The following SOD2 variants were observed in gnomAD, a reference collection of about 807,000 sequenced individuals.
SOD2 encodes superoxide dismutase 2.
SOD2 carries 11 observed loss-of-function variants against 27.0 expected under a neutral mutation model. The observed-to-expected ratio is 0.41, with a 90% confidence interval of 0.26 to 0.67. The LOEUF is 0.67. SOD2 is among the 30% of genes least tolerant of loss of function. The pLI, the probability that SOD2 is intolerant of heterozygous loss-of-function variation, is 0.34. For synonymous variants in SOD2, 105 were observed against 103.0 expected, an observed-to-expected ratio of 1.02 and a Z score of -0.12; for missense variants, 250 against 274.5, an observed-to-expected ratio of 0.91 and a Z score of 0.63.
At chr6:159,736,270 C>G in intron 1 of SOD2, 1 of 1,601,408 alleles carries the variant, frequency 6.2e-7, no homozygotes, top group Admixed American at 1.7e-5. Flanking sequence ...TTCAAGATGA[C>G]CAACGAAGAA....
intron 1 of SOD2, among the ~76,000 whole-genome samples, chr6:159,738,663 C>A (rs1168310956): frequency 6.6e-6 from 1 of 152,090 alleles, no homozygotes; most frequent in African/African-American, 2.4e-5. Flanking sequence ...TTTTTATATT[C>A]TCACCTGCAG....
At chr6:159,744,237 G>A (rs1401240704) in intron 1 of SOD2, among the ~76,000 whole-genome samples, 2 of 152,066 alleles carry the variant, frequency 1.3e-5, no homozygotes, top group Non-Finnish European at 1.5e-5. Flanking sequence ...TTAATTGTTA[G>A]AACTTTGATG....
chr6:159,725,674 T>C (rs1778147246), intron 1 of SOD2: 1 of 151,910 alleles, frequency 6.6e-6, no homozygotes, highest in South Asian at 2.1e-4. Context: ...CCCCACTCTT[T>C]ATAGGCAACT....
At chr6:159,729,841 C>CT (rs1379385494), upstream of SOD2, among the ~76,000 whole-genome samples, 1 of 152,192 alleles carries the variant, frequency 6.6e-6, no homozygotes, top group African/African-American at 2.4e-5. Flanking sequence ...GTTGTTTTGG[C>CT]TGGCGCTTGC....
At chr6:159,756,591 A>C (rs1367358654) in intron 1 of SOD2, among the ~76,000 whole-genome samples, 1 of 91,300 alleles carries the variant, frequency 1.1e-5, no homozygotes, top group South Asian at 4.0e-4. Context: ...TCTATTTCTT[A>C]GGCTTTTTTT....
chr6:159,759,959 A>G (rs968353238), intron 1 of SOD2, among the ~76,000 whole-genome samples: 3 of 152,256 alleles, frequency 2.0e-5, no homozygotes, highest in Non-Finnish European at 2.9e-5. Context: ...GTGTTCATTC[A>G]TAACTGCCTA....
chr6:159,673,696 G>A lies in SOD2; in HGVS notation c.*8797C>T, dbSNP rs1215535321. 1 of 152,124 alleles carries A rather than the reference G, an allele frequency of 6.6e-6. No individual in the cohort carries two copies. The highest frequency in any genetic ancestry group is 1.5e-5 in the Non-Finnish European group (1 of 68,020). 9.4% of individuals were successfully genotyped at this position (152,124 alleles called of 1,614,324 possible). A position where few individuals can be genotyped will look rare whatever the true frequency, so the allele number is the denominator to read the frequency against. ...CATCACAATTAAAAATATTAGAGAAGCAAGAGCAAACACATTCAACAGCTA... is the reference window on the plus strand; with the variant it reads ...CATCACAATTAAAAATATTAGAGAAACAAGAGCAAACACATTCAACAGCTA... On this transcript the variant is annotated 3_prime_UTR_variant, in exon 5 of 5. Transcript: ENST00000538183.
In SOD2 at chr6:159,681,749, C is replaced by T. The variant is rs188601614; in HGVS notation, c.*744G>A. ...ACTTCTGCTTTCCTGAAATTTACCACTGCCTTTAAATACTCTAGCTTGTAG... is the reference window on the plus strand; with the variant it reads ...ACTTCTGCTTTCCTGAAATTTACCATTGCCTTTAAATACTCTAGCTTGTAG... On this transcript the variant is annotated 3_prime_UTR_variant, in exon 5 of 5. Coordinates refer to ENST00000538183, the MANE Select transcript of SOD2 (RefSeq NM_000636.4). 51 of 152,266 alleles carry T rather than the reference C, an allele frequency of 3.3e-4. No homozygotes were observed. The highest frequency in any genetic ancestry group is 1.2e-3 in the African/African-American group (48 of 41,502). 9.4% of individuals were successfully genotyped at this position (152,266 alleles called of 1,614,324 possible).
At chr6:159,687,450 G>T (rs992939782) in intron 3 of SOD2, among the ~76,000 whole-genome samples, 4 of 151,182 alleles carry the variant, frequency 2.6e-5, no homozygotes, top group Non-Finnish European at 5.9e-5. Context: ...GCACCACTGC[G>T]CTCCAGCCTG....
chr6:159,693,272 A>T (rs1364750656), upstream of SOD2: 1 of 1,101,448 alleles, frequency 9.1e-7, no homozygotes, highest in Non-Finnish European at 1.3e-6. Flanking sequence ...GGGCCTTAAG[A>T]AAGCGCGGGG....
chr6:159,686,065 A>G (rs1290608479), intron 3 of SOD2, among the ~76,000 whole-genome samples: 1 of 152,136 alleles, frequency 6.6e-6, no homozygotes, highest in Non-Finnish European at 1.5e-5. Context: ...TCTACGACTG[A>G]ACTAAGGGTA....
rs1779963839 is a variant in SOD2, at chr6:159,755,403, A to G, written c.-336+5634T>C. The stretch of plus-strand genomic sequence containing the variant: ...AGAACTGGCAGAGGAGGTAGTGGTT[A>G]CGTAAATCAACTCAGTGCGGGGTAT... On this transcript the variant is annotated intron_variant, in intron 1 of 7. Transcript: ENST00000546087. The G allele has an allele frequency of 1.2e-6, 2 of 1,614,216 alleles. No individual in the cohort carries two copies. The highest frequency in any genetic ancestry group is 2.7e-5 in the African/African-American group (2 of 75,042).
At chr6:159,685,356 C>T (rs1012083061) in intron 3 of SOD2, among the ~76,000 whole-genome samples, 7 of 151,604 alleles carry the variant, frequency 4.6e-5, no homozygotes, top group African/African-American at 1.5e-4. Context: ...AATTCTCCTG[C>T]CTTAGCCTCC....
In SOD2 at chr6:159,671,326, A is replaced by T. The variant is rs1779655233; in HGVS notation, c.*11167T>A. The stretch of plus-strand genomic sequence containing the variant: ...TGAGTCCCTGACCCCCGAGTAGCCT[A>T]ACTGGGAGGCACCCCCAAGTAGGGG... On this transcript the variant is annotated 3_prime_UTR_variant, in exon 5 of 5. Coordinates refer to ENST00000538183, the MANE Select transcript of SOD2 (RefSeq NM_000636.4). The T allele has an allele frequency of 6.6e-6, 1 of 152,444 alleles. No homozygotes were observed. The highest frequency in any genetic ancestry group is 1.5e-5 in the Non-Finnish European group (1 of 68,242). 9.4% of individuals were successfully genotyped at this position (152,444 alleles called of 1,614,324 possible). A position where few individuals can be genotyped will look rare whatever the true frequency, so the allele number is the denominator to read the frequency against.
chr6:159,683,349 G>A (rs1780042720), intron 4 of SOD2, among the ~76,000 whole-genome samples: 2 of 152,122 alleles, frequency 1.3e-5, no homozygotes, highest in Admixed American at 1.3e-4. Context: ...GCCTGGCGAG[G>A]TGGCAGGCGC....
At chr6:159,749,499 G>A, upstream of SOD2, 3 of 944,730 alleles carry the variant, frequency 3.2e-6, no homozygotes, top group South Asian at 9.8e-5. Context: ...AATTTGGGGC[G>A]GGGAGGGCCT....
chr6:159,720,896 G>A (rs1302079205), intron 1 of SOD2, among the ~76,000 whole-genome samples: 1 of 97,798 alleles, frequency 1.0e-5, no homozygotes, highest in East Asian at 3.2e-4. Context: ...TTGTTGTGTC[G>A]CCCAGGCTGT....
chr6:159,755,760 C>CTTTTTTTTTTTTTTTTTT (rs1779984995), intron 1 of SOD2: 18 of 283,674 alleles, frequency 6.3e-5, no homozygotes, highest in South Asian at 3.9e-4. Flanking sequence ...TTTTTTTTTT[C>CTTTTTTTTTTTTTTTTTT]TTTTCTTTTT....
chr6:159,704,183 C>T (rs1020620609), intron 1 of SOD2, among the ~76,000 whole-genome samples: 4 of 152,152 alleles, frequency 2.6e-5, no homozygotes, highest in South Asian at 2.1e-4. Flanking sequence ...CTCCAGTCTA[C>T]GGCTCCCAGC....
Sources: gnomAD v4.1 joint callset for allele counts (sites outside exome capture counted in the v4.1 genomes callset) on GRCh38, gnomAD v4.1.1 for gene constraint, MANE v1.5 for transcripts, NCBI Gene and HGNC (gene_info 2026-07-23, HGNC 2026-07-21) for gene names.